Variants in DKK2 observed in about 807,000 individuals in gnomAD.
DKK2 encodes the protein dickkopf Wnt signaling pathway inhibitor 2, also known as dickkopf-related protein 2.
DKK2 carries 11 observed loss-of-function variants against 28.1 expected under a neutral mutation model. That is an observed-to-expected ratio of 0.39 (90% confidence interval 0.25 to 0.65). The LOEUF (loss-of-function observed/expected upper bound fraction) is 0.65. Ranked by LOEUF, DKK2 falls within the 30% of genes least tolerant of loss-of-function variation. The pLI is 0.47. For synonymous variants in DKK2, 135 were observed against 126.5 expected, an observed-to-expected ratio of 1.07 and a Z score of -0.45; for missense variants, 326 against 335.5, an observed-to-expected ratio of 0.97 and a Z score of 0.22.
chr4:106,959,993 C>A (rs1241631391), intron 1 of DKK2, among the ~76,000 whole-genome samples: 2 of 151,606 alleles, frequency 1.3e-5, no homozygotes, highest in African/African-American at 2.4e-5. Context: ...TGTTTAATAT[C>A]CATTTTATAC....
At chr4:106,946,400 T>A (rs1456002372) in intron 1 of DKK2, among the ~76,000 whole-genome samples, 4 of 152,080 alleles carry the variant, frequency 2.6e-5, no homozygotes, top group Non-Finnish European at 5.9e-5. Context: ...GAGTTGAAAG[T>A]GTAGATGAAA....
At chr4:106,930,933 G>T (rs1052630875) in intron 1 of DKK2, among the ~76,000 whole-genome samples, 1 of 152,120 alleles carries the variant, frequency 6.6e-6, no homozygotes, top group African/African-American at 2.4e-5. Context: ...AGTCCTTAGA[G>T]AAAAGATTAA....
At chr4:106,982,546 T>C (rs1723041433) in intron 1 of DKK2, among the ~76,000 whole-genome samples, 1 of 152,216 alleles carries the variant, frequency 6.6e-6, no homozygotes, top group Non-Finnish European at 1.5e-5. Flanking sequence ...GTGACAATCA[T>C]GAAAGTGCAT....
At chr4:106,936,003 A>T (rs1724581441) in intron 1 of DKK2, among the ~76,000 whole-genome samples, 1 of 152,036 alleles carries the variant, frequency 6.6e-6, no homozygotes, top group Non-Finnish European at 1.5e-5. Context: ...AGATAAAACC[A>T]CAAAGATGGG....
intron 1 of DKK2, among the ~76,000 whole-genome samples, chr4:106,968,258 G>C (rs895653612): frequency 9.2e-5 from 14 of 152,128 alleles, no homozygotes; most frequent in African/African-American, 3.1e-4. Context: ...ATAGGATTTA[G>C]AGACAAGTCA....
intron 1 of DKK2, among the ~76,000 whole-genome samples, chr4:106,947,096 T>C (rs1160929274): frequency 6.6e-6 from 1 of 152,118 alleles, no homozygotes; most frequent in African/African-American, 2.4e-5. Flanking sequence ...AGTGTTTACT[T>C]TCAATCCGTC....
At position 106,990,805 on chromosome 4, in the gene DKK2, T is replaced by C. The variant is rs1012461694; in HGVS notation, c.222+44565A>G. ...GCACTGAATGCATATCAGCCTCCTA[T>C]GGCACTGAATAGAATGGAGAATGGT... On this transcript the variant is annotated intron_variant, in intron 1 of 3. Transcript: ENST00000285311. Among the ~76,000 whole-genome samples, 78 of 151,964 alleles carry C rather than the reference T, an allele frequency of 5.1e-4. 1 individual carries two copies. The highest frequency in any genetic ancestry group is 5.1e-3 in the Admixed American group (78 of 15,228).
intron 1 of DKK2, among the ~76,000 whole-genome samples, chr4:106,934,868 G>T (rs10021120): frequency 0.031 from 4,762 of 152,110 alleles, 79 homozygotes; most frequent in Non-Finnish European, 0.036. Flanking sequence ...ATACTTTAAG[G>T]GCTACAAAAT....
intron 1 of DKK2, among the ~76,000 whole-genome samples, chr4:106,957,952 G>T (rs1722625478): frequency 1.3e-5 from 2 of 149,558 alleles, no homozygotes; most frequent in Admixed American, 1.3e-4. Context: ...TAAAAAAGAT[G>T]ATTCTCTACT....
intron 1 of DKK2, among the ~76,000 whole-genome samples, chr4:106,953,962 C>A (rs114492284): frequency 1.6e-3 from 244 of 152,248 alleles, no homozygotes; most frequent in Non-Finnish European, 2.6e-3. Context: ...AGTATGAGGA[C>A]CATCTCTTGC....
chr4:106,941,160 G>A (rs550178515), intron 1 of DKK2, among the ~76,000 whole-genome samples: 1 of 151,876 alleles, frequency 6.6e-6, no homozygotes, highest in South Asian at 2.1e-4. Context: ...ATGACAAGGA[G>A]GTGATTCACG....
intron 1 of DKK2, among the ~76,000 whole-genome samples, chr4:106,946,303 C>A (rs1043299482): frequency 1.3e-5 from 2 of 151,794 alleles, no homozygotes; most frequent in African/African-American, 2.4e-5. Flanking sequence ...TTTAAAATAT[C>A]CTTTCTCTTA....
At chr4:107,008,399 G>T (rs374233313) in intron 1 of DKK2, among the ~76,000 whole-genome samples, 4 of 151,950 alleles carry the variant, frequency 2.6e-5, no homozygotes, top group Admixed American at 6.6e-5. Flanking sequence ...AATATGATGC[G>T]CTATTGGAAC....
intron 1 of DKK2, among the ~76,000 whole-genome samples, chr4:107,028,992 A>T (rs1723835170): frequency 6.6e-6 from 1 of 152,176 alleles, no homozygotes; most frequent in African/African-American, 2.4e-5. Context: ...AATGGGAAAG[A>T]GTAGAAGAAA....
chr4:106,965,454 C>T (rs1722762597), intron 1 of DKK2, among the ~76,000 whole-genome samples: 1 of 152,088 alleles, frequency 6.6e-6, no homozygotes, highest in Non-Finnish European at 1.5e-5. Context: ...AAAACTGGAA[C>T]ATATCACCAA....
In DKK2 at chr4:106,964,958, GATAT is replaced by G. The variant is rs375152110; in HGVS notation, c.223-39013_223-39010del. The stretch of plus-strand genomic sequence containing the variant: ...ATGATAGATTAGATATAGATAGATA[GATAT>G]AGATAGATAGATAGATAGATAGATA... On this transcript the variant is annotated intron_variant, in intron 1 of 3. Coordinates refer to ENST00000285311, the MANE Select transcript of DKK2 (RefSeq NM_014421.3). 2.0e-3 allele frequency among the ~76,000 whole-genome samples: 235 copies of G among 118,592 alleles called. 1 individual carries two copies. The highest frequency in any genetic ancestry group is 6.6e-3 in the African/African-American group (217 of 33,106). The allele number at this position is 118,592 out of a possible 152,430, so 77.8% of individuals were successfully genotyped here.
intron 1 of DKK2, among the ~76,000 whole-genome samples, chr4:107,031,462 C>A (rs1280364618): frequency 6.6e-6 from 1 of 151,998 alleles, no homozygotes; most frequent in Non-Finnish European, 1.5e-5. Flanking sequence ...TTAGTCAACT[C>A]GTTCAAGCTT....
At chr4:106,983,050 GAA>G (rs1303777853) in intron 1 of DKK2, among the ~76,000 whole-genome samples, 1 of 149,226 alleles carries the variant, frequency 6.7e-6, no homozygotes, top group African/African-American at 2.5e-5. Flanking sequence ...AAGAAAGAAA[GAA>G]AGAGAAAAGA....
intron 1 of DKK2, 50 bp downstream of exon 1, chr4:107,035,320 G>A (rs1371184501): frequency 4.4e-6 from 7 of 1,597,450 alleles, no homozygotes; most frequent in South Asian, 2.2e-5. Context: ...GCCCAAGAGA[G>A]CTGGCCCCTG....
Sources: gnomAD v4.1 joint callset for allele counts (sites outside exome capture counted in the v4.1 genomes callset) on GRCh38, gnomAD v4.1.1 for gene constraint, MANE v1.5 for transcripts, NCBI Gene and HGNC (gene_info 2026-07-23, HGNC 2026-07-21) for gene names.